Variants in CREB1 observed in about 807,000 individuals in gnomAD.
CREB1 encodes the protein cyclic AMP-responsive element-binding protein 1.
CREB1 carries 2 observed loss-of-function variants against 42.0 expected under a neutral mutation model. The observed-to-expected ratio is 0.05, with a 90% CI of 0.02 to 0.15. The LOEUF is 0.15. Among genes scored for constraint, CREB1 ranks in the 10% least tolerant of loss-of-function variants. CREB1 has a pLI of 1.00. For missense variants in CREB1, 199 were observed against 388.9 expected, an observed-to-expected ratio of 0.51 and a Z score of 4.11; for synonymous variants, 123 against 139.9, an observed-to-expected ratio of 0.88 and a Z score of 0.85.
In CREB1 at chr2:207,600,178, T is replaced by C. The variant is rs1483336240; in HGVS notation, c.*3120T>C. The C allele has an allele frequency of 5.7e-6, 1 of 176,414 alleles. No individual in the cohort carries two copies. Among genetic ancestry groups the C allele is most frequent in the Non-Finnish European group, 1.2e-5 (1 of 82,596 alleles). The allele number at this position is 176,414 out of a possible 1,614,324, so 10.9% of individuals were successfully genotyped here. On this transcript the variant is annotated 3_prime_UTR_variant, in exon 8 of 8. Transcript: ENST00000353267. ...CATATTGGCAACCATAATATTGTCATAGGTGCTCTCTTCATTTAGATATTC... is the reference window on the plus strand; with the variant it reads ...CATATTGGCAACCATAATATTGTCACAGGTGCTCTCTTCATTTAGATATTC...
At chr2:207,582,677 C>G (rs563136415) in intron 7 of CREB1, among the ~76,000 whole-genome samples, 1 of 152,130 alleles carries the variant, frequency 6.6e-6, no homozygotes, top group South Asian at 2.1e-4. Context: ...TTCCAATGAT[C>G]TCTAGTTCCT....
intron 1 of CREB1, among the ~76,000 whole-genome samples, chr2:207,531,736 T>C (rs2080639153): frequency 6.6e-6 from 1 of 152,252 alleles, no homozygotes; most frequent in Admixed American, 6.5e-5. Context: ...TGTCACTGTA[T>C]GATTGCATTG....
At chr2:207,566,802 G>A (rs1414183183) in intron 3 of CREB1, among the ~76,000 whole-genome samples, 1 of 152,128 alleles carries the variant, frequency 6.6e-6, no homozygotes, top group African/African-American at 2.4e-5. Flanking sequence ...TGGCACATAG[G>A]CATCTGTAAA....
chr2:207,566,230 G>A (rs946179163), intron 3 of CREB1, among the ~76,000 whole-genome samples: 16 of 152,076 alleles, frequency 1.1e-4, no homozygotes, highest in African/African-American at 3.4e-4. Flanking sequence ...TGCCCACTTG[G>A]GAGAACTGTT....
intron 7 of CREB1, among the ~76,000 whole-genome samples, chr2:207,593,832 C>T (rs1447823250): frequency 1.3e-5 from 2 of 151,622 alleles, no homozygotes; most frequent in Non-Finnish European, 2.9e-5. Context: ...GATTTTCCTA[C>T]CTCAGCCTCC....
intron 5 of CREB1, among the ~76,000 whole-genome samples, chr2:207,574,557 A>C (rs1397672554): frequency 6.6e-6 from 1 of 152,218 alleles, no homozygotes; most frequent in African/African-American, 2.4e-5. Flanking sequence ...GGTGTGGCTA[A>C]TTAGGGCATA....
intron 7 of CREB1, 140 bp from the exon 8 acceptor site, chr2:207,596,774 T>C (rs1362473898): frequency 9.0e-6 from 9 of 1,001,226 alleles, no homozygotes; most frequent in African/African-American, 3.4e-5. Flanking sequence ...AGTAATTCTG[T>C]ATATCTTTTC....
intron 3 of CREB1, among the ~76,000 whole-genome samples, chr2:207,563,344 C>A (rs57838515): frequency 1.4e-4 from 22 of 152,068 alleles, no homozygotes; most frequent in Non-Finnish European, 1.5e-4. Context: ...GTAAATTGTT[C>A]AGGAGTCTTC....
intron 1 of CREB1, among the ~76,000 whole-genome samples, chr2:207,554,174 C>A (rs1279778440): frequency 6.6e-6 from 1 of 152,076 alleles, no homozygotes; most frequent in South Asian, 2.1e-4. Flanking sequence ...TTTTCCTTGT[C>A]ATCTGTGTTT....
intron 1 of CREB1, among the ~76,000 whole-genome samples, chr2:207,552,573 AG>A (rs1324667713): frequency 1.3e-5 from 2 of 151,804 alleles, no homozygotes; most frequent in Non-Finnish European, 2.9e-5. Flanking sequence ...GATGGTTTAC[AG>A]GGGGAGAAAA....
chr2:207,589,622 T>A (rs536104478), intron 7 of CREB1, among the ~76,000 whole-genome samples: 126 of 152,340 alleles, frequency 8.3e-4, no homozygotes, highest in African/African-American at 2.9e-3. Flanking sequence ...TACATTTTTT[T>A]AAAAACTCTC....
At chr2:207,596,744 T>G (rs2086250386) in intron 7 of CREB1, among the ~76,000 whole-genome samples, 170 bp from the exon 8 acceptor site, 1 of 152,176 alleles carries the variant, frequency 6.6e-6, no homozygotes, top group African/African-American at 2.4e-5. Flanking sequence ...GATTAAAATT[T>G]TAATATAAGG....
At chr2:207,543,307 G>C (rs1159054561) in intron 1 of CREB1, among the ~76,000 whole-genome samples, 2 of 152,128 alleles carry the variant, frequency 1.3e-5, no homozygotes, top group African/African-American at 4.8e-5. Context: ...TTGTAACTAT[G>C]ATCCAAGAAT....
chr2:207,545,344 A>G (rs1035306022), intron 1 of CREB1, among the ~76,000 whole-genome samples: 2 of 151,678 alleles, frequency 1.3e-5, no homozygotes, highest in African/African-American at 2.4e-5. Flanking sequence ...AGTAGCTGGG[A>G]CTCCAGTCAT....
chr2:207,567,867 C>T (rs2082200157), intron 4 of CREB1: 1 of 180,584 alleles, frequency 5.5e-6, no homozygotes, highest in Admixed American at 5.7e-5. Flanking sequence ...AGTTATAAGC[C>T]AACTCTGAGG....
In CREB1 at chr2:207,599,621, C is replaced by A. The variant is rs2106636841; in HGVS notation, c.*2563C>A. ...TGAGAAATGTATCCTGTTGCTAAAT[C>A]TGTCTTAGACCCTTGGTGAAACTTG... is the stretch of plus-strand genomic sequence containing the variant. On this transcript the variant is annotated 3_prime_UTR_variant, in exon 8 of 8. Coordinates refer to ENST00000353267, the MANE Select transcript of CREB1 (RefSeq NM_004379.5). 1 of 200,118 alleles carries A rather than the reference C, an allele frequency of 5.0e-6. No homozygotes were observed. The highest frequency in any genetic ancestry group is 1.9e-4 in the South Asian group (1 of 5,226). 12.4% of individuals were successfully genotyped at this position (200,118 alleles called of 1,614,324 possible). A position where few individuals can be genotyped will look rare whatever the true frequency, so the allele number is the denominator to read the frequency against.
intron 1 of CREB1, among the ~76,000 whole-genome samples, chr2:207,549,071 C>G (rs2081402540): frequency 6.6e-6 from 1 of 152,120 alleles, no homozygotes; most frequent in Non-Finnish European, 1.5e-5. Context: ...GATAAAGATA[C>G]CAATTTATTT....
intron 1 of CREB1, among the ~76,000 whole-genome samples, chr2:207,551,847 T>C (rs2081516648): frequency 6.6e-6 from 1 of 151,690 alleles, no homozygotes; most frequent in Admixed American, 6.6e-5. Flanking sequence ...ATCGAGACCA[T>C]CCTGGCTGAC....
At chr2:207,555,948 A>G (rs1257066283) in intron 2 of CREB1, among the ~76,000 whole-genome samples, 199 bp downstream of exon 2, 5 of 152,194 alleles carry the variant, frequency 3.3e-5, no homozygotes, top group South Asian at 2.1e-4. Flanking sequence ...GTATTATTAA[A>G]CAATAATACA....
Sources: gnomAD v4.1 joint callset for allele counts (sites outside exome capture counted in the v4.1 genomes callset) on GRCh38, gnomAD v4.1.1 for gene constraint, MANE v1.5 for transcripts, NCBI Gene and HGNC (gene_info 2026-07-23, HGNC 2026-07-21) for gene names.